The following ACACB variants were observed in gnomAD, a reference collection of about 807,000 sequenced individuals.
ACACB encodes acetyl-CoA carboxylase 2.
A neutral mutation model predicts 278.8 loss-of-function variants in ACACB; 209 were observed. The ratio of observed to expected loss-of-function variants is 0.75; its 90% CI spans 0.67 to 0.84. ACACB has a LOEUF of 0.84. ACACB is among the 40% of genes least tolerant of loss of function. The probability of loss-of-function intolerance (pLI) is 0.00; values close to 1 mark genes in which losing one functional copy is unlikely to be tolerated. For synonymous variants in ACACB, 1,174 were observed against 1,285.6 expected, an observed-to-expected ratio of 0.91 and a Z score of 1.86; for missense variants, 2,850 against 3,269.0, an observed-to-expected ratio of 0.87 and a Z score of 3.13.
chr12:109,237,271 A>G lies in ACACB; in HGVS notation c.4553A>G (p.His1518Arg). ...FDLTAVPCAN[H>R]KMHLYLGAAK... Reference sequence around the variant, plus strand: ...CTGACCGCCGTGCCCTGTGCCAACCACAAGATGCACCTTTACCTGGGTGCT... The same window carrying G: ...CTGACCGCCGTGCCCTGTGCCAACCGCAAGATGCACCTTTACCTGGGTGCT... Residue 1518 changes from histidine (H) to arginine (R), a missense_variant, in exon 34 of 53, where the codon CAC (histidine) becomes CGC (arginine). His to Arg is a conservative substitution (Grantham distance 29, BLOSUM62 0). Around this residue, in one of 3 missense-constraint regions of ACACB, gnomAD observed 2,265 missense variants for 2,561.3 expected, o/e 0.88. Transcript: ENST00000338432. 1 of 1,614,188 alleles carries G rather than the reference A, an allele frequency of 6.2e-7. No individual in the cohort carries two copies.
chr12:109,159,420 C>T (rs570402991), intron 2 of ACACB, among the ~76,000 whole-genome samples: 18 of 152,348 alleles, frequency 1.2e-4, no homozygotes, highest in African/African-American at 4.3e-4. Flanking sequence ...TAATGCTATC[C>T]TGCAGACGTA....
At chr12:109,193,253 T>C (rs966049470) in intron 15 of ACACB, among the ~76,000 whole-genome samples, 4 of 149,980 alleles carry the variant, frequency 2.7e-5, no homozygotes, top group African/African-American at 9.8e-5. Context: ...AGTCTCGCTC[T>C]GTCACACAGG....
At chr12:109,127,765 A>G (rs1013632752) in intron 1 of ACACB, among the ~76,000 whole-genome samples, 4 of 152,194 alleles carry the variant, frequency 2.6e-5, no homozygotes, top group Admixed American at 6.5e-5. Flanking sequence ...CGTCAAGCAC[A>G]GTTGCAGGGG....
At chr12:109,156,684 A>G (rs559225219) in intron 2 of ACACB, among the ~76,000 whole-genome samples, 4 of 149,478 alleles carry the variant, frequency 2.7e-5, no homozygotes, top group African/African-American at 9.9e-5. Flanking sequence ...TTTTCTTAGG[A>G]TATGTTTACC....
In ACACB at chr12:109,256,213, G is replaced by T; in HGVS notation, c.6240G>T (p.Gln2080His). The part of the protein sequence containing the change: ...SFKEIMAPWA[Q>H]TVVTGRARLG... The stretch of plus-strand genomic sequence containing the variant: ...AGGAAATCATGGCACCCTGGGCGCA[G>T]ACCGTGGTGACAGGACGAGCAAGGT... The change falls in exon 45 of 53, where the codon CAG (glutamine) becomes CAT (histidine). Residue 2080 changes from glutamine (Q) to histidine (H), a missense_variant. Coordinates refer to ENST00000338432, the MANE Select transcript of ACACB (RefSeq NM_001093.4). 1.2e-6 allele frequency: 2 copies of T among 1,613,990 alleles called. No homozygotes were observed. The highest frequency in any genetic ancestry group is 2.2e-5 in the South Asian group (2 of 91,058).
chr12:109,262,950 T>TTTTATATATATATATA (rs1346750205), intron 49 of ACACB: 1,031 of 62,496 alleles, frequency 0.016, 95 homozygotes, highest in Non-Finnish European at 0.028. Context: ...CTTTTTAACA[T>TTTTATATATATATATA]TATATATATA....
rs550241434 is a variant in ACACB, at chr12:109,257,166, C to T, written c.6263+930C>T. Reference sequence around the variant, plus strand: ...GCAGGCACCTGTAATCCCAGCTACTCGGGGGGCTGAAGCAGCAGAATTGCT... The same window carrying T: ...GCAGGCACCTGTAATCCCAGCTACTTGGGGGGCTGAAGCAGCAGAATTGCT... On this transcript the variant is annotated intron_variant, in intron 45 of 52. Transcript: ENST00000338432. 2.6e-5 allele frequency among the ~76,000 whole-genome samples: 4 copies of T among 152,130 alleles called. No homozygotes were observed. In the East Asian group the frequency reaches 5.8e-4, roughly 22 times the overall value.
At chr12:109,204,271 CTTT>C (rs58720572) in intron 19 of ACACB, among the ~76,000 whole-genome samples, 8 of 93,138 alleles carry the variant, frequency 8.6e-5, no homozygotes, top group Admixed American at 1.3e-4. Context: ...AATACTATAT[CTTT>C]TTTTTTTTTT....
chr12:109,225,005 A>G (rs974618771), intron 27 of ACACB, among the ~76,000 whole-genome samples: 7 of 152,280 alleles, frequency 4.6e-5, no homozygotes, highest in Admixed American at 2.6e-4. Flanking sequence ...TCTGGAGACC[A>G]TCTTGGGCTT....
intron 42 of ACACB, 21 bp from the exon 43 acceptor site, chr12:109,252,994 A>C: frequency 6.3e-7 from 1 of 1,589,876 alleles, no homozygotes. Context: ...GGACATTGCT[A>C]ACCATGTTGT....
chr12:109,208,306 T>G (rs1331487138), intron 20 of ACACB, among the ~76,000 whole-genome samples: 3 of 150,636 alleles, frequency 2.0e-5, no homozygotes, highest in Non-Finnish European at 2.9e-5. Flanking sequence ...AACCTCGACC[T>G]CTGGGTTCAA....
intron 47 of ACACB, among the ~76,000 whole-genome samples, chr12:109,259,667 G>A (rs2047328138): frequency 6.6e-6 from 1 of 152,138 alleles, no homozygotes; most frequent in South Asian, 2.1e-4. Flanking sequence ...GTCAGGGAGG[G>A]GCAGCCCCAG....
At chr12:109,222,729 C>A in intron 25 of ACACB, 70 bp from the exon 26 acceptor site, 1 of 1,538,596 alleles carries the variant, frequency 6.5e-7, no homozygotes, top group Non-Finnish European at 9.0e-7. Flanking sequence ...GCTGCCGGCC[C>A]GTGCCCGAGC....
At chr12:109,182,531 C>T (rs966287728) in intron 11 of ACACB, among the ~76,000 whole-genome samples, 2 of 152,238 alleles carry the variant, frequency 1.3e-5, no homozygotes, top group Admixed American at 1.3e-4. Flanking sequence ...CCATGCCCAG[C>T]TAACTTTTTA....
chr12:109,264,307 C>T lies in ACACB; in HGVS notation c.6863C>T (p.Pro2288Leu). 1 of 1,614,168 alleles carries T rather than the reference C, an allele frequency of 6.2e-7. No homozygotes were observed. Among genetic ancestry groups the T allele is most frequent in the South Asian group, 1.1e-5 (1 of 91,090 alleles). ...AAGGCTCGCGAGGACCTGCTGCTCCCCATCTACCACCAGGTGGCGGTGCAG... is the reference window on the plus strand; with the variant it reads ...AAGGCTCGCGAGGACCTGCTGCTCCTCATCTACCACCAGGTGGCGGTGCAG... ...RLKAREDLLL[P>L]IYHQVAVQFA... The change falls in exon 50 of 53, where the codon CCC becomes CTC. Residue 2288 changes from proline (P) to leucine (L), a missense_variant. By Grantham distance (98) the Pro-to-Leu change is moderately conservative. Transcript: ENST00000338432.
chr12:109,235,375 T>A lies in ACACB; in HGVS notation c.4404+6T>A, dbSNP rs373209898. The A allele has an allele frequency of 1.2e-6, 2 of 1,612,578 alleles. No individual in the cohort carries two copies. Among genetic ancestry groups the A allele is most frequent in the Non-Finnish European group, 1.7e-6 (2 of 1,178,562 alleles). ...CATTCTTGATTGCCCAAGAGGTTAGTTCACAGTTCATCTCTATGAGTCTTT... is the reference window on the plus strand; with the variant it reads ...CATTCTTGATTGCCCAAGAGGTTAGATCACAGTTCATCTCTATGAGTCTTT... On this transcript the variant is annotated splice_donor_region_variant and intron_variant, in intron 32 of 52. Coordinates refer to ENST00000338432, the MANE Select transcript of ACACB (RefSeq NM_001093.4).
At chr12:109,259,721 G>T (rs2047329843) in intron 47 of ACACB, among the ~76,000 whole-genome samples, 1 of 152,228 alleles carries the variant, frequency 6.6e-6, no homozygotes, top group Non-Finnish European at 1.5e-5. Context: ...ATTTGGCAAG[G>T]TGAGGAGGAT....
intron 2 of ACACB, among the ~76,000 whole-genome samples, chr12:109,143,538 C>T (rs1217504613): frequency 6.6e-6 from 1 of 151,116 alleles, no homozygotes; most frequent in Non-Finnish European, 1.5e-5. Context: ...CCCTAAAGCT[C>T]ACTGACATAC....
intron 2 of ACACB, 51 bp downstream of exon 2, chr12:109,140,109 T>G: frequency 6.6e-7 from 1 of 1,506,362 alleles, no homozygotes; most frequent in Non-Finnish European, 8.8e-7. Flanking sequence ...TCAGGTGGGG[T>G]CCACACCCTT....
Sources: gnomAD v4.1 joint callset for allele counts (sites outside exome capture counted in the v4.1 genomes callset) on GRCh38, gnomAD v4.1.1 for gene constraint, gnomAD v4.1.1 regional missense constraint, MANE v1.5 for transcripts, NCBI Gene and HGNC (gene_info 2026-07-23, HGNC 2026-07-21) for gene names.